The following MGAM variants were observed in gnomAD, a reference collection of about 807,000 sequenced individuals.
MGAM encodes maltase-glucoamylase.
Under a neutral mutation model 358.8 loss-of-function variants are expected in MGAM, and 253 were observed. The ratio of observed to expected loss-of-function variants is 0.71; its 90% CI spans 0.64 to 0.78. The LOEUF is 0.78. MGAM is among the 30% of genes least tolerant of loss of function. MGAM has a pLI of 0.00. For missense variants in MGAM, 3,080 were observed against 3,432.6 expected, an observed-to-expected ratio of 0.90 and a Z score of 2.57; for synonymous variants, 1,105 against 1,227.1, an observed-to-expected ratio of 0.90 and a Z score of 2.08.
rs374820212 is a variant in MGAM at position 142,040,762 on chromosome 7, A to G, written c.2414A>G (p.Glu805Gly). The G allele has an allele frequency of 5.4e-5, 87 of 1,613,206 alleles. No individual in the cohort carries two copies. Among genetic ancestry groups the G allele is most frequent in the Non-Finnish European group, 7.0e-5 (83 of 1,179,530 alleles). ...TGGAGGAAGCAAAAAGTCGAGATGGAACTTCCTGGAGACAAAATTGGACTT... is the reference window on the plus strand; with the variant it reads ...TGGAGGAAGCAAAAAGTCGAGATGGGACTTCCTGGAGACAAAATTGGACTT... ...VRWRKQKVEMELPGDKIGLHL... is the reference protein window; with the variant it reads ...VRWRKQKVEMGLPGDKIGLHL... Residue 805 changes from glutamate to glycine, a missense_variant, in exon 21 of 71, where the codon GAA (glutamate) becomes GGA (glycine). This residue lies in a region of MGAM where 1,816 missense variants were observed against 1,840.5 expected (regional missense o/e 0.99). Coordinates refer to ENST00000475668, the MANE Select transcript of MGAM (RefSeq NM_001365693.1).
intron 7 of MGAM, among the ~76,000 whole-genome samples, chr7:142,023,368 C>T (rs1336225281): frequency 1.3e-5 from 2 of 151,664 alleles, no homozygotes; most frequent in African/African-American, 2.4e-5. Flanking sequence ...CCCAGCTGGG[C>T]TTTCTTGACT....
In MGAM at chr7:142,063,601, C is replaced by A; in HGVS notation, c.4345+15C>A. ...CTACATGCCACGTAAGAAGCCTTGG[C>A]CTCCTTGACTGGCAGAGCCATGACT... On this transcript the variant is annotated intron_variant, in intron 36 of 70. Coordinates refer to ENST00000475668, the MANE Select transcript of MGAM (RefSeq NM_001365693.1). The A allele has an allele frequency of 1.2e-6, 2 of 1,611,406 alleles. No homozygotes were observed. Among genetic ancestry groups the A allele is most frequent in the Non-Finnish European group, 1.7e-6 (2 of 1,178,646 alleles).
chr7:142,096,835 C>G (rs1585108489), intron 65 of MGAM, among the ~76,000 whole-genome samples: 1 of 152,146 alleles, frequency 6.6e-6, no homozygotes, highest in East Asian at 1.9e-4. Context: ...CCTTCCTCTG[C>G]AGGAGCTCCT....
Position 142,088,828 on chromosome 7 carries a change from T to TC in MGAM, c.6810+2112dup, listed in dbSNP as rs1329020235. Among the ~76,000 whole-genome samples, 5 of 98,074 alleles carry TC rather than the reference T, an allele frequency of 5.1e-5. 1 individual carries two copies. The highest frequency in any genetic ancestry group is 1.0e-4 in the Non-Finnish European group (4 of 39,838). The allele number at this position is 98,074 out of a possible 152,430, so 64.3% of individuals were successfully genotyped here. ...TTCTATCCTATCTATGTACCATCTA[T>TC]CTATCTATCTATCTATCTATCTATC... On this transcript the variant is annotated intron_variant, in intron 57 of 70. Transcript: ENST00000475668.
intron 16 of MGAM, 148 bp from the exon 17 acceptor site, chr7:142,036,021 G>A (rs1312310904): frequency 3.3e-6 from 2 of 606,300 alleles, no homozygotes; most frequent in Non-Finnish European, 6.0e-6. Flanking sequence ...TTCAAGAGTG[G>A]ACACAGGCTA....
At chr7:142,048,363 T>G (rs1426072097) in intron 22 of MGAM, among the ~76,000 whole-genome samples, 4 of 151,766 alleles carry the variant, frequency 2.6e-5, no homozygotes, top group Middle Eastern at 3.2e-3. Flanking sequence ...TTAGCCAGGA[T>G]GATCTCGATC....
chr7:142,094,070 A>G (rs1037180325), intron 60 of MGAM, among the ~76,000 whole-genome samples: 9 of 146,350 alleles, frequency 6.1e-5, no homozygotes, highest in African/African-American at 2.2e-4. Flanking sequence ...CTCCTCAAAT[A>G]TAGAAAACTA....
intron 7 of MGAM, among the ~76,000 whole-genome samples, chr7:142,024,503 T>C (rs1338598330): frequency 1.3e-5 from 2 of 152,038 alleles, no homozygotes; most frequent in Admixed American, 1.3e-4. Context: ...TCCAGAGCAA[T>C]AGTTATCAAA....
In MGAM at chr7:142,099,735, A is replaced by C. The variant is rs561976926; in HGVS notation, c.7872A>C (p.Leu2624Phe). The C allele has an allele frequency of 8.7e-6, 14 of 1,613,914 alleles. 1 individual carries two copies. In the South Asian group the frequency reaches 1.4e-4, roughly 16 times the overall value. ...PWQEPALNTH[L>F]SRQKFMGFKI... ...AAGAGCCTGCACTGAACACCCACTTAAGGTAAGTGACAGGACTCAGGTTTT... is the reference window on the plus strand; with the variant it reads ...AAGAGCCTGCACTGAACACCCACTTCAGGTAAGTGACAGGACTCAGGTTTT... The change falls in exon 67 of 71, where the codon TTA becomes TTC. Residue 2624 changes from leucine (L) to phenylalanine (F), a missense_variant and splice_region_variant. Around this residue, in one of 5 missense-constraint regions of MGAM, gnomAD observed 194 missense variants for 172.8 expected, o/e 1.12. Transcript: ENST00000475668.
intron 14 of MGAM, among the ~76,000 whole-genome samples, chr7:142,033,722 A>G (rs1205931827): frequency 1.3e-5 from 2 of 152,142 alleles, no homozygotes; most frequent in East Asian, 3.9e-4. Context: ...ATTAATATAT[A>G]GTGTGAACTA....
At chr7:142,013,640 TA>T (rs1488440594) in intron 3 of MGAM, among the ~76,000 whole-genome samples, 1 of 152,188 alleles carries the variant, frequency 6.6e-6, no homozygotes, top group African/African-American at 2.4e-5. Context: ...CTTTTGAGAA[TA>T]GGGTGGCAAT....
chr7:142,042,413 A>T (rs1450169158), intron 21 of MGAM, among the ~76,000 whole-genome samples: 1 of 16,184 alleles, frequency 6.2e-5, no homozygotes, highest in Non-Finnish European at 1.2e-4. Context: ...TATAACATAT[A>T]TTATATATAC....
intron 18 of MGAM, among the ~76,000 whole-genome samples, chr7:142,037,220 A>C (rs1202596566): frequency 6.6e-6 from 1 of 152,188 alleles, no homozygotes; most frequent in African/African-American, 2.4e-5. Flanking sequence ...ACTAAAAGTC[A>C]TGGGACTACA....
chr7:142,099,768 A>G, intron 67 of MGAM, 31 bp downstream of exon 67: 1 of 1,610,204 alleles, frequency 6.2e-7, no homozygotes, highest in Non-Finnish European at 8.5e-7. Flanking sequence ...TTTCCTTTAC[A>G]TGTCAGTTAG....
At position 142,008,444 on chromosome 7, in the gene MGAM, C is replaced by A. The variant is rs1226124618; in HGVS notation, c.128-62C>A. On this transcript the variant is annotated intron_variant, in intron 2 of 70. Transcript: ENST00000475668. ...TGGAGTTAATTGGAGGTGTTGAGAA[C>A]TATTGAATGTCTGTGAAATTAAATT... 5 of 1,508,490 alleles carry A rather than the reference C, an allele frequency of 3.3e-6. No homozygotes were observed. The East Asian group carries it at 1.2e-4, about 37-fold the overall frequency. 93.4% of individuals were successfully genotyped at this position (1,508,490 alleles called of 1,614,324 possible).
intron 19 of MGAM, 105 bp from the exon 20 acceptor site, chr7:142,040,010 G>T (rs1808356127): frequency 5.9e-6 from 5 of 850,922 alleles, no homozygotes; most frequent in Non-Finnish European, 9.6e-6. Flanking sequence ...AGGCATAATA[G>T]CAGGGCATTC....
intron 7 of MGAM, among the ~76,000 whole-genome samples, chr7:142,023,545 G>A (rs1236192278): frequency 1.3e-5 from 2 of 151,916 alleles, no homozygotes; most frequent in African/African-American, 4.8e-5. Flanking sequence ...AAGGCCCAGC[G>A]AAGCCAAATT....
rs1805165294 is a variant in MGAM, at chr7:142,006,358, G to C, written c.127+701G>C. ...GCAGGAGCTTTGTGGTGGTGGAGAA[G>C]GACTCTCCGTGAAGCTTTCCCGGGC... On this transcript the variant is annotated intron_variant, in intron 2 of 70. Coordinates refer to ENST00000475668, the MANE Select transcript of MGAM (RefSeq NM_001365693.1). Among the ~76,000 whole-genome samples, 3 of 152,080 alleles carry C rather than the reference G, an allele frequency of 2.0e-5. No individual in the cohort carries two copies. The South Asian group carries it at 6.2e-4, about 31-fold the overall frequency.
In MGAM at chr7:142,019,507, G is replaced by A. The variant is rs1002457140; in HGVS notation, c.448+188G>A. Among the ~76,000 whole-genome samples, 2 of 152,286 alleles carry A rather than the reference G, an allele frequency of 1.3e-5. 1 individual carries two copies. On this transcript the variant is annotated intron_variant, in intron 4 of 70. Transcript: ENST00000475668. Reference sequence around the variant, plus strand: ...CCAAGGAAAAATTATTCTCTGCCTTGGGAGTTGAGAGACCATGTCCTCTTT... The same window carrying A: ...CCAAGGAAAAATTATTCTCTGCCTTAGGAGTTGAGAGACCATGTCCTCTTT...
Sources: allele counts gnomAD v4.1 joint callset (sites outside exome capture counted in the v4.1 genomes callset), GRCh38; gene constraint gnomAD v4.1.1; regional missense constraint gnomAD v4.1.1; transcripts MANE v1.5; gene names NCBI Gene and HGNC (gene_info 2026-07-23, HGNC 2026-07-21).